CWC22: variants seen among roughly 807,000 people sequenced by gnomAD.
CWC22 encodes pre-mRNA-splicing factor CWC22 homolog.
A neutral mutation model predicts 117.2 loss-of-function variants in CWC22; 53 were observed. The observed-to-expected ratio is 0.45, with a 90% confidence interval of 0.36 to 0.57. The LOEUF (loss-of-function observed/expected upper bound fraction) is 0.57. CWC22 is among the 20% of genes least tolerant of loss of function. CWC22 has a pLI of 0.00. For synonymous variants in CWC22, 360 were observed against 355.6 expected, an observed-to-expected ratio of 1.01 and a Z score of -0.14; for missense variants, 980 against 1,068.8, an observed-to-expected ratio of 0.92 and a Z score of 1.16.
At position 179,981,955 on chromosome 2, in the gene CWC22, C is replaced by T. The variant is rs760565026; in HGVS notation, c.249G>A (p.Thr83=). ...REKRRERERD[T]DRKRSRKSPS... is the part of the protein sequence containing the mutation. The stretch of plus-strand genomic sequence containing the variant: ...GGGATTTCCGAGACCTTTTCCGATC[C>T]GTATCTCTTTCTCTTTCTCTGCGTT... Residue 83 remains threonine (T), a synonymous_variant, in exon 5 of 20, where the codon ACG becomes ACA. Coordinates refer to ENST00000410053, the MANE Select transcript of CWC22 (RefSeq NM_020943.3). 40 of 1,558,036 alleles carry T rather than the reference C, an allele frequency of 2.6e-5. No individual in the cohort carries two copies. Among genetic ancestry groups the T allele is most frequent in the Admixed American group, 3.9e-5 (2 of 51,440 alleles).
At chr2:179,969,387 A>G (rs746113829) in intron 11 of CWC22, among the ~76,000 whole-genome samples, 6 of 152,228 alleles carry the variant, frequency 3.9e-5, no homozygotes, top group Admixed American at 6.5e-5. Context: ...ACTCATTATT[A>G]TAACAGGTTT....
intron 1 of CWC22, among the ~76,000 whole-genome samples, chr2:179,999,753 C>A (rs1687799313): frequency 6.6e-6 from 1 of 152,060 alleles, no homozygotes. Flanking sequence ...CCTCTGGCTT[C>A]TAAATAGTAA....
intron 18 of CWC22, 25 bp downstream of exon 18, chr2:179,950,800 C>T: frequency 1.2e-6 from 2 of 1,600,100 alleles, no homozygotes; most frequent in Non-Finnish European, 1.7e-6. Context: ...ATAATCTGAA[C>T]ATAAATTCTG....
intron 1 of CWC22, among the ~76,000 whole-genome samples, chr2:179,996,609 A>T (rs909106087): frequency 7.9e-5 from 12 of 152,132 alleles, no homozygotes; most frequent in Non-Finnish European, 1.5e-4. Context: ...GGATCTCATG[A>T]AGATAAAGCA....
Position 179,970,535 on chromosome 2 carries a change from C to T in CWC22, c.1176G>A (p.Met392Ile). 6.5e-7 allele frequency: 1 copy of T among 1,544,492 alleles called. No individual in the cohort carries two copies. The highest frequency in any genetic ancestry group is 8.8e-7 in the Non-Finnish European group (1 of 1,141,632). ...TAGCTTTGTACTTCTCTTCATTCTC[C>T]ATAAAATTAGGATCCATCTTGAAAA... Reference protein sequence around the residue: ...LNVFKMDPNFMENEEKYKAIK... With the variant: ...LNVFKMDPNFIENEEKYKAIK... The change falls in exon 11 of 20, where the codon ATG becomes ATA. Residue 392 changes from methionine (M) to isoleucine (I), a missense_variant. This residue lies in a region of CWC22 where 559 missense variants were observed against 602.3 expected (regional missense o/e 0.93). Coordinates refer to ENST00000410053, the MANE Select transcript of CWC22 (RefSeq NM_020943.3).
intron 16 of CWC22, among the ~76,000 whole-genome samples, chr2:179,953,711 A>G (rs1407203696): frequency 6.6e-6 from 1 of 152,126 alleles, no homozygotes; most frequent in East Asian, 1.9e-4. Context: ...TTCTATGACT[A>G]TAGGATATCC....
rs976376366 is a variant in CWC22 at position 179,981,924 on chromosome 2, G to A, written c.280C>T (p.Pro94Ser). 4 of 1,587,108 alleles carry A rather than the reference G, an allele frequency of 2.5e-6. No homozygotes were observed. Among genetic ancestry groups the A allele is most frequent in the Admixed American group, 3.6e-5 (2 of 55,318 alleles). The change falls in exon 5 of 20, where the codon CCT (proline) becomes TCT (serine). Residue 94 changes from proline to serine, a missense_variant. Physicochemically the swap from Pro to Ser is moderately conservative, Grantham distance 74 (BLOSUM62 -1). Around this residue, in one of 3 missense-constraint regions of CWC22, gnomAD observed 559 missense variants for 602.3 expected, o/e 0.93. Transcript: ENST00000410053. ...DRKRSRKSPS[P>S]GRRNPETSVT... is the part of the protein sequence containing the mutation. ...GATGTTTCTGGGTTTCTCCTCCCAG[G>A]AGATGGGGATTTCCGAGACCTTTTC...
intron 1 of CWC22, among the ~76,000 whole-genome samples, chr2:179,999,372 C>T (rs1575660459): frequency 6.6e-6 from 1 of 152,102 alleles, no homozygotes; most frequent in Non-Finnish European, 1.5e-5. Context: ...CAAAACCACA[C>T]CTGTTCTCCC....
intron 13 of CWC22, among the ~76,000 whole-genome samples, chr2:179,961,292 C>T (rs1391721801): frequency 6.6e-6 from 1 of 151,920 alleles, no homozygotes; most frequent in Non-Finnish European, 1.5e-5. Flanking sequence ...CACACCCTTA[C>T]TTTTGATAAT....
intron 13 of CWC22, among the ~76,000 whole-genome samples, chr2:179,959,957 TCAAA>T (rs1299351065): frequency 6.6e-6 from 1 of 152,064 alleles, no homozygotes; most frequent in African/African-American, 2.4e-5. Flanking sequence ...TATTACTTTC[TCAAA>T]CCAACCAACT....
Position 179,957,710 on chromosome 2 carries a change from C to T in CWC22, c.1458+1312G>A, listed in dbSNP as rs550575279. ...CAGCCCATCAGAGCTGATACATTCA[C>T]TCTGGCATCTGTGCCCGGTTTACCA... On this transcript the variant is annotated intron_variant, in intron 14 of 19. Coordinates refer to ENST00000410053, the MANE Select transcript of CWC22 (RefSeq NM_020943.3). Among the ~76,000 whole-genome samples, 7 of 152,270 alleles carry T rather than the reference C, an allele frequency of 4.6e-5. No individual in the cohort carries two copies. The East Asian group carries it at 7.7e-4, about 17-fold the overall frequency.
intron 8 of CWC22, among the ~76,000 whole-genome samples, chr2:179,972,885 C>T (rs1052124592): frequency 4.6e-5 from 7 of 151,582 alleles, no homozygotes; most frequent in African/African-American, 1.2e-4. Context: ...GGCAGGTGCC[C>T]GTAGTCCCAG....
At chr2:179,988,457 G>T in intron 3 of CWC22, 120 bp downstream of exon 3, 1 of 587,976 alleles carries the variant, frequency 1.7e-6, no homozygotes, top group South Asian at 2.3e-5. Flanking sequence ...AAGTAATATT[G>T]GTTATAAAAC....
chr2:179,981,606 G>A (rs1427248648), intron 5 of CWC22, 146 bp downstream of exon 5: 2 of 631,078 alleles, frequency 3.2e-6, no homozygotes, highest in African/African-American at 3.7e-5. Flanking sequence ...CTCCAATGGA[G>A]CTATAAAGTA....
At chr2:179,954,409 G>A in intron 15 of CWC22, 52 bp from the exon 16 acceptor site, 1 of 1,141,112 alleles carries the variant, frequency 8.8e-7, no homozygotes, top group Non-Finnish European at 1.2e-6. Context: ...ATACAATTAT[G>A]AGCATATTAA....
intron 4 of CWC22, among the ~76,000 whole-genome samples, chr2:179,984,372 C>A (rs1296044783): frequency 6.6e-6 from 1 of 152,010 alleles, no homozygotes; most frequent in Non-Finnish European, 1.5e-5. Context: ...TACTAGTAGT[C>A]ATTCTCATTA....
intron 2 of CWC22, 44 bp downstream of exon 2, chr2:179,993,271 T>C (rs563841863): frequency 9.6e-6 from 13 of 1,353,646 alleles, no homozygotes; most frequent in African/African-American, 8.6e-5. Context: ...AATAGGTAAT[T>C]GACTATAAGT....
At position 180,007,145 on chromosome 2, in the gene CWC22, G is replaced by A. The variant is rs190808025; in HGVS notation, c.-392C>T. 2 of 152,214 alleles carry A rather than the reference G, an allele frequency of 1.3e-5. No homozygotes were observed. Among genetic ancestry groups the A allele is most frequent in the Admixed American group, 6.5e-5 (1 of 15,284 alleles). The allele number at this position is 152,214 out of a possible 1,614,324, so 9.4% of individuals were successfully genotyped here. ...CCCGAGCACCGACGGTAGGAAGAAG[G>A]CGAATAGTGAAATATTTAAAAACTT... is the stretch of plus-strand genomic sequence containing the variant. On this transcript the variant is annotated 5_prime_UTR_variant, in exon 1 of 20. Transcript: ENST00000410053.
intron 17 of CWC22, 69 bp downstream of exon 17, chr2:179,952,402 C>A: frequency 8.3e-7 from 1 of 1,208,950 alleles, no homozygotes; most frequent in Non-Finnish European, 1.1e-6. Context: ...CTCGGATGGG[C>A]TTATGTCTGC....
Sources: gnomAD v4.1 joint callset for allele counts (sites outside exome capture counted in the v4.1 genomes callset) on GRCh38, gnomAD v4.1.1 for gene constraint, gnomAD v4.1.1 regional missense constraint, MANE v1.5 for transcripts, NCBI Gene and HGNC (gene_info 2026-07-23, HGNC 2026-07-21) for gene names.